ZFYVE1: variants seen among roughly 807,000 people sequenced by gnomAD.
The protein encoded by ZFYVE1 is zinc finger FYVE-type containing 1, also known as zinc finger FYVE domain-containing protein 1.
Under a neutral mutation model 74.4 loss-of-function variants are expected in ZFYVE1, and 30 were observed. The ratio of observed to expected loss-of-function variants is 0.40; its 90% CI spans 0.30 to 0.55. The LOEUF (loss-of-function observed/expected upper bound fraction) is 0.55, where lower values mean the gene tolerates loss of function less well. ZFYVE1 is among the 20% of genes least tolerant of loss of function. The probability of loss-of-function intolerance (pLI) is 0.42; values close to 1 mark genes in which losing one functional copy is unlikely to be tolerated. For synonymous variants in ZFYVE1, 335 were observed against 385.1 expected, an observed-to-expected ratio of 0.87 and a Z score of 1.52; for missense variants, 703 against 1,011.6, an observed-to-expected ratio of 0.69 and a Z score of 4.14.
chr14:72,998,440 G>T, intron 2 of ZFYVE1, 125 bp from the exon 3 acceptor site: 1 of 904,320 alleles, frequency 1.1e-6, no homozygotes, highest in Non-Finnish European at 1.6e-6. Context: ...GAAGTCACAG[G>T]ATAATAGCTC....
chr14:72,986,103 GT>G (rs1470615401), intron 4 of ZFYVE1, among the ~76,000 whole-genome samples: 3 of 152,292 alleles, frequency 2.0e-5, no homozygotes, highest in African/African-American at 7.2e-5. Flanking sequence ...GGTTCTTACT[GT>G]TTCAACCCAA....
In ZFYVE1 at chr14:72,996,414, G is replaced by A. The variant is rs1453750659; in HGVS notation, c.988+1397C>T. Among the ~76,000 whole-genome samples, 6 of 151,760 alleles carry A rather than the reference G, an allele frequency of 4.0e-5. No homozygotes were observed. In the East Asian group the frequency reaches 9.7e-4, roughly 25 times the overall value. ...CTCTTTTTTCTTTCCTTCTTTTTTTGAGACAGGGTCTCACTATTGCCCAGG... is the reference window on the plus strand; with the variant it reads ...CTCTTTTTTCTTTCCTTCTTTTTTTAAGACAGGGTCTCACTATTGCCCAGG... On this transcript the variant is annotated intron_variant, in intron 3 of 11. Coordinates refer to ENST00000556143, the MANE Select transcript of ZFYVE1 (RefSeq NM_021260.4).
chr14:72,976,904 G>A (rs141300054), intron 8 of ZFYVE1, among the ~76,000 whole-genome samples: 1 of 152,154 alleles, frequency 6.6e-6, no homozygotes, highest in South Asian at 2.1e-4. Flanking sequence ...GTGGCTTTAG[G>A]AATCACCCAG....
rs1893152550 is a variant in ZFYVE1, at chr14:72,975,738, G to A, written c.1636-17C>T. On this transcript the variant is annotated splice_polypyrimidine_tract_variant and intron_variant, in intron 8 of 11. Transcript: ENST00000556143. This position sits in a 1 kb window ranked among gnomAD's most constrained non-coding sequence, Gnocchi z 4.1. ...CCCATCAGTCTGAAATGAAAACGCA[G>A]GCTTCCATCATGCTCTGAGAAGGGA... 2 of 1,612,632 alleles carry A rather than the reference G, an allele frequency of 1.2e-6. No homozygotes were observed. The highest frequency in any genetic ancestry group is 1.1e-5 in the South Asian group (1 of 90,856).
intron 2 of ZFYVE1, among the ~76,000 whole-genome samples, chr14:73,013,953 G>T (rs1000217832): frequency 6.6e-6 from 1 of 152,092 alleles, no homozygotes; most frequent in South Asian, 2.1e-4. Flanking sequence ...TAAACTCAAG[G>T]GTGGTTCAGC....
At chr14:72,992,619 C>CCCA (rs1555532803) in intron 4 of ZFYVE1, among the ~76,000 whole-genome samples, 2 of 110,188 alleles carry the variant, frequency 1.8e-5, no homozygotes, top group South Asian at 3.6e-4. Flanking sequence ...TCAGGTGCCC[C>CCCA]CCCCGCCCCT....
rs1892974840 is a variant in ZFYVE1 at position 72,969,582 on chromosome 14, C to T, written c.*1300G>A. On this transcript the variant is annotated 3_prime_UTR_variant, in exon 12 of 12. Coordinates refer to ENST00000556143, the MANE Select transcript of ZFYVE1 (RefSeq NM_021260.4). ...ACACACTCCAGGGCTCATGTCACAC[C>T]GATAGGCGCACCAGGAATGACCGCC... The T allele has an allele frequency of 4.7e-6, 3 of 644,456 alleles. No individual in the cohort carries two copies. The highest frequency in any genetic ancestry group is 2.7e-5 in the East Asian group (1 of 36,860). 39.9% of individuals were successfully genotyped at this position (644,456 alleles called of 1,614,324 possible). A position where few individuals can be genotyped will look rare whatever the true frequency, so the allele number is the denominator to read the frequency against.
intron 2 of ZFYVE1, among the ~76,000 whole-genome samples, chr14:73,012,163 G>A (rs1894104343): frequency 6.6e-6 from 1 of 152,108 alleles, no homozygotes; most frequent in Non-Finnish European, 1.5e-5. Context: ...GGAAAGGTAG[G>A]GAGAGAAAGA....
rs574802846 is a variant in ZFYVE1 at position 72,982,393 on chromosome 14, A to G, written c.1204-498T>C. ...AAAGCAGGAAAAATGTCACCAGAAA[A>G]AAAAAAAAGAAGAAGAATTATTATA... On this transcript the variant is annotated intron_variant, in intron 4 of 11. Transcript: ENST00000556143. 9.9e-4 allele frequency among the ~76,000 whole-genome samples: 151 copies of G among 152,260 alleles called. 1 individual carries two copies. Among genetic ancestry groups the G allele is most frequent in the African/African-American group, 3.4e-3 (140 of 41,576 alleles).
chr14:73,021,550 T>C (rs1198256893), intron 2 of ZFYVE1, among the ~76,000 whole-genome samples: 1 of 152,218 alleles, frequency 6.6e-6, no homozygotes, highest in Admixed American at 6.5e-5. Context: ...TCTAATTGTT[T>C]TGAACATTCA....
At chr14:72,984,660 G>A (rs971196111) in intron 4 of ZFYVE1, among the ~76,000 whole-genome samples, 5 of 152,136 alleles carry the variant, frequency 3.3e-5, no homozygotes, top group Non-Finnish European at 5.9e-5. Context: ...CCTATACAGC[G>A]TTCTCTCTCC....
intron 2 of ZFYVE1, among the ~76,000 whole-genome samples, chr14:73,004,615 G>C (rs370030882): frequency 6.6e-6 from 1 of 152,068 alleles, no homozygotes; most frequent in Admixed American, 6.6e-5. Flanking sequence ...AATACTCCTG[G>C]GAGGAGGAAC....
rs1204950221 is a variant in ZFYVE1 at position 73,024,921 on chromosome 14, A to C, written c.-413T>G. 1 of 159,200 alleles carries C rather than the reference A, an allele frequency of 6.3e-6. No individual in the cohort carries two copies. Among genetic ancestry groups the C allele is most frequent in the Admixed American group, 6.4e-5 (1 of 15,590 alleles). 9.9% of individuals were successfully genotyped at this position (159,200 alleles called of 1,614,324 possible). On this transcript the variant is annotated 5_prime_UTR_variant, in exon 2 of 12. Coordinates refer to ENST00000556143, the MANE Select transcript of ZFYVE1 (RefSeq NM_021260.4). ...GAGCTTTTCAATATAATTCGACCTGAAGTCAGTATTTCAGGGGATACCTAG... is the reference window on the plus strand; with the variant it reads ...GAGCTTTTCAATATAATTCGACCTGCAGTCAGTATTTCAGGGGATACCTAG...
chr14:72,975,902 A>G lies in ZFYVE1; in HGVS notation c.1636-181T>C, dbSNP rs1893157318. 1.5e-6 allele frequency: 1 copy of G among 663,114 alleles called. No homozygotes were observed. The highest frequency in any genetic ancestry group is 1.8e-5 in the African/African-American group (1 of 54,990). 41.1% of individuals were successfully genotyped at this position (663,114 alleles called of 1,614,324 possible). ...CTTTATTCTCTTCAAAGTGACCATA[A>G]GACTTGATGTGTAGCTGTTCAATTC... On this transcript the variant is annotated intron_variant, in intron 8 of 11. Coordinates refer to ENST00000556143, the MANE Select transcript of ZFYVE1 (RefSeq NM_021260.4). The surrounding 1 kb of genome is among the most constrained non-coding windows in gnomAD (Gnocchi z 4.1).
chr14:72,986,507 T>A (rs1335084420), intron 4 of ZFYVE1, among the ~76,000 whole-genome samples: 3 of 150,398 alleles, frequency 2.0e-5, no homozygotes, highest in Non-Finnish European at 4.4e-5. Flanking sequence ...AACGTTAGCA[T>A]GTTTTAGATG....
At chr14:73,026,220 A>C (rs1894457420) in intron 1 of ZFYVE1, among the ~76,000 whole-genome samples, 1 of 152,192 alleles carries the variant, frequency 6.6e-6, no homozygotes, top group Non-Finnish European at 1.5e-5. Context: ...CAAAACAAAT[A>C]ATTTTTCTCT....
intron 8 of ZFYVE1, 97 bp downstream of exon 8, chr14:72,977,830 G>T: frequency 7.7e-7 from 1 of 1,299,548 alleles, no homozygotes; most frequent in Non-Finnish European, 1.1e-6. Context: ...TGAAATTCAT[G>T]GTTAACCTTA....
Position 72,975,666 on chromosome 14 carries a change from ATC to A in ZFYVE1, c.1689_1690del (p.Met564GlufsTer11). On this transcript the variant is annotated frameshift_variant, in exon 9 of 12. Coordinates refer to ENST00000556143, the MANE Select transcript of ZFYVE1 (RefSeq NM_021260.4). LOFTEE classifies it high-confidence loss of function. This position sits in a 1 kb window ranked among gnomAD's most constrained non-coding sequence, Gnocchi z 4.1. ...GGACACCGACTGAGCCATGAAGTTCATCCCGTCCAACAGGCGCTGGGCAGCAT... is the reference window on the plus strand; with the variant it reads ...GGACACCGACTGAGCCATGAAGTTCACCGTCCAACAGGCGCTGGGCAGCAT... 1 of 1,614,184 alleles carries A rather than the reference ATC, an allele frequency of 6.2e-7. No homozygotes were observed. Among genetic ancestry groups the A allele is most frequent in the Non-Finnish European group, 8.5e-7 (1 of 1,180,028 alleles).
At chr14:72,976,608 C>A (rs1290601990) in intron 8 of ZFYVE1, among the ~76,000 whole-genome samples, 1 of 151,884 alleles carries the variant, frequency 6.6e-6, no homozygotes, top group Non-Finnish European at 1.5e-5. Context: ...CATGGTGAAA[C>A]CCTGTCTCTA....
Sources: gnomAD v4.1 joint callset for allele counts (sites outside exome capture counted in the v4.1 genomes callset) on GRCh38, gnomAD v4.1.1 for gene constraint, Gnocchi (gnomAD v3.1) non-coding constraint, MANE v1.5 for transcripts, NCBI Gene and HGNC (gene_info 2026-07-23, HGNC 2026-07-21) for gene names.